Variants in SLC41A2 observed in about 807,000 individuals in gnomAD.
SLC41A2 encodes the protein SLC41A1-like 1.
Under a neutral mutation model 58.3 loss-of-function variants are expected in SLC41A2, and 32 were observed. That is an observed-to-expected ratio of 0.55 (90% CI 0.41 to 0.74). The LOEUF (loss-of-function observed/expected upper bound fraction) is 0.74, where lower values mean the gene tolerates loss of function less well. Ranked by LOEUF, SLC41A2 falls within the 30% of genes least tolerant of loss-of-function variation. SLC41A2 has a pLI of 0.00. For synonymous variants in SLC41A2, 190 were observed against 235.0 expected (o/e 0.81, Z 1.75); for missense variants, 514 against 680.6 (o/e 0.76, Z 2.72).
In SLC41A2 at chr12:104,901,113, T is replaced by C. The variant is rs923584539; in HGVS notation, c.664-5768A>G. On this transcript the variant is annotated intron_variant, in intron 3 of 10. Transcript: ENST00000258538. ...TTCTCTGAGAAGAGGTTTGAGGCAA[T>C]AGAAATCAGTTTTGCCTACAGTAGA... Among the ~76,000 whole-genome samples the C allele has an allele frequency of 2.6e-5, 4 of 152,164 alleles. No individual in the cohort carries two copies. The East Asian group carries it at 5.8e-4, about 22-fold the overall frequency.
Position 104,805,110 on chromosome 12 carries a change from T to C in SLC41A2, c.*42A>G. ...AAAAGAGCCATAAGTGGTTGTCGTG[T>C]ATTTTCTTCCTTGGTAACTTGAGAG... On this transcript the variant is annotated 3_prime_UTR_variant, in exon 11 of 11. Coordinates refer to ENST00000258538, the MANE Select transcript of SLC41A2 (RefSeq NM_001352171.3). 2 of 1,510,528 alleles carry C rather than the reference T, an allele frequency of 1.3e-6. No homozygotes were observed. Among genetic ancestry groups the C allele is most frequent in the South Asian group, 1.3e-5 (1 of 77,734 alleles). The allele number at this position is 1,510,528 out of a possible 1,614,324, so 93.6% of individuals were successfully genotyped here.
At chr12:104,855,423 G>T (rs1299301022) in intron 8 of SLC41A2, among the ~76,000 whole-genome samples, 1 of 151,968 alleles carries the variant, frequency 6.6e-6, no homozygotes, top group East Asian at 1.9e-4. Context: ...GCTTTTCTCT[G>T]TGTTATTACT....
At chr12:104,906,907 T>G (rs961285454) in intron 3 of SLC41A2, among the ~76,000 whole-genome samples, 3 of 152,318 alleles carry the variant, frequency 2.0e-5, no homozygotes, top group Middle Eastern at 3.4e-3. Context: ...GGTTCCAGCT[T>G]ACATATACCT....
intron 10 of SLC41A2, among the ~76,000 whole-genome samples, chr12:104,836,586 T>C (rs969539684): frequency 1.3e-5 from 2 of 152,172 alleles, no homozygotes; most frequent in Admixed American, 6.5e-5. Flanking sequence ...AATCAAATGA[T>C]GGCAGAGATA....
intron 4 of SLC41A2, among the ~76,000 whole-genome samples, chr12:104,894,081 CA>C (rs2045158004): frequency 6.6e-6 from 1 of 152,126 alleles, no homozygotes; most frequent in South Asian, 2.1e-4. Context: ...TTATGCACTG[CA>C]GCCTGTATCA....
chr12:104,867,642 G>A (rs2043536150), intron 6 of SLC41A2, among the ~76,000 whole-genome samples: 1 of 150,420 alleles, frequency 6.6e-6, no homozygotes, highest in Non-Finnish European at 1.5e-5. Flanking sequence ...ATATCATGTA[G>A]GAATAAACAA....
At chr12:104,822,324 G>C (rs1228697535) in intron 10 of SLC41A2, among the ~76,000 whole-genome samples, 1 of 152,108 alleles carries the variant, frequency 6.6e-6, no homozygotes, top group Non-Finnish European at 1.5e-5. Flanking sequence ...AGCCAAAATG[G>C]TCCTGAGTCT....
chr12:104,851,510 C>T (rs2042798292), intron 8 of SLC41A2, among the ~76,000 whole-genome samples: 1 of 152,052 alleles, frequency 6.6e-6, no homozygotes, highest in South Asian at 2.1e-4. Flanking sequence ...TAGCCGCTTG[C>T]GTAGCTGGGA....
At chr12:104,885,628 C>T (rs1273899990) in intron 6 of SLC41A2, among the ~76,000 whole-genome samples, 5 of 152,092 alleles carry the variant, frequency 3.3e-5, no homozygotes, top group African/African-American at 1.2e-4. Context: ...TTTAGCATGT[C>T]ATCAACACTC....
At chr12:104,837,452 G>C (rs1484366008) in intron 10 of SLC41A2, among the ~76,000 whole-genome samples, 1 of 152,084 alleles carries the variant, frequency 6.6e-6, no homozygotes. Flanking sequence ...ACACCTCCCT[G>C]GAATGGGAAA....
chr12:104,841,668 T>C (rs1279830865), intron 10 of SLC41A2, among the ~76,000 whole-genome samples: 1 of 152,068 alleles, frequency 6.6e-6, no homozygotes, highest in Non-Finnish European at 1.5e-5. Flanking sequence ...AGAGATGACA[T>C]CTGAGTAAAT....
intron 10 of SLC41A2, among the ~76,000 whole-genome samples, chr12:104,815,750 C>G (rs939413447): frequency 6.6e-6 from 1 of 152,108 alleles, no homozygotes; most frequent in Non-Finnish European, 1.5e-5. Flanking sequence ...GGTTTCCAGG[C>G]TGGAAACCCT....
intron 4 of SLC41A2, among the ~76,000 whole-genome samples, chr12:104,890,592 C>G (rs905335686): frequency 1.3e-5 from 2 of 152,076 alleles, no homozygotes; most frequent in Non-Finnish European, 2.9e-5. Flanking sequence ...AAGTCCTATT[C>G]TGGAAATATG....
intron 6 of SLC41A2, among the ~76,000 whole-genome samples, chr12:104,882,901 T>C (rs1368065981): frequency 2.6e-5 from 4 of 152,224 alleles, no homozygotes; most frequent in African/African-American, 7.2e-5. Context: ...CTGGATAATA[T>C]CCTGAAGAGT....
chr12:104,866,386 A>T, intron 7 of SLC41A2, 46 bp downstream of exon 7: 1 of 221,772 alleles, frequency 4.5e-6, no homozygotes, highest in African/African-American at 5.5e-5. Context: ...AGACGTACAC[A>T]CACACACACA....
chr12:104,886,281 A>T lies in SLC41A2; in HGVS notation c.1027+12T>A. The T allele has an allele frequency of 1.9e-6, 3 of 1,610,850 alleles. No homozygotes were observed. The highest frequency in any genetic ancestry group is 2.5e-6 in the Non-Finnish European group (3 of 1,178,624). ...GAGACAACACACAATATTTAGTTTT[A>T]AATCAACTTACCAAGACAGGAGTAT... On this transcript the variant is annotated intron_variant, in intron 6 of 10. Transcript: ENST00000258538.
chr12:104,877,158 T>C (rs956868080), intron 6 of SLC41A2, among the ~76,000 whole-genome samples: 4 of 152,210 alleles, frequency 2.6e-5, no homozygotes, highest in African/African-American at 4.8e-5. Context: ...GGAAATAAAC[T>C]TGAACTATAA....
chr12:104,917,864 C>A (rs982050404), intron 2 of SLC41A2, among the ~76,000 whole-genome samples: 2 of 145,494 alleles, frequency 1.4e-5, no homozygotes, highest in Non-Finnish European at 3.0e-5. Context: ...GGAGATATAC[C>A]TAATGCTAAA....
intron 10 of SLC41A2, among the ~76,000 whole-genome samples, chr12:104,814,809 T>C (rs752457731): frequency 7.2e-5 from 11 of 152,258 alleles, no homozygotes; most frequent in Non-Finnish European, 1.6e-4. Context: ...TTATGGACTT[T>C]ATTTAAAAGA....
Sources: allele counts gnomAD v4.1 joint callset (sites outside exome capture counted in the v4.1 genomes callset), GRCh38; gene constraint gnomAD v4.1.1; transcripts MANE v1.5; gene names NCBI Gene and HGNC (gene_info 2026-07-23, HGNC 2026-07-21).